Variants in SLC22A13 observed in about 807,000 individuals in gnomAD.
SLC22A13 encodes the protein organic anion transporter 10.
Under a neutral mutation model 49.1 loss-of-function variants are expected in SLC22A13, and 42 were observed. The observed-to-expected ratio is 0.85, with a 90% CI of 0.67 to 1.11. SLC22A13 has a LOEUF of 1.11. SLC22A13 is among the 50% of genes least tolerant of loss of function. The pLI, the probability that SLC22A13 is intolerant of heterozygous loss-of-function variation, is 0.00. For synonymous variants in SLC22A13, 282 were observed against 293.1 expected, an observed-to-expected ratio of 0.96 and a Z score of 0.39; for missense variants, 694 against 712.8, an observed-to-expected ratio of 0.97 and a Z score of 0.30.
chr3:38,274,135 T>C (rs9856724), intron 1 of SLC22A13, 137 bp from the exon 2 acceptor site: 41,974 of 662,968 alleles, frequency 0.063, 2,937 homozygotes, highest in African/African-American at 0.28. Flanking sequence ...GTGAGTTCAC[T>C]ATGGTGCCCT....
In SLC22A13 at chr3:38,277,971, T is replaced by C. The variant is rs1019724426; in HGVS notation, c.*506T>C. The C allele has an allele frequency of 3.9e-5, 6 of 152,968 alleles. No homozygotes were observed. Among genetic ancestry groups the C allele is most frequent in the East Asian group, 1.9e-4 (1 of 5,186 alleles). 9.5% of individuals were successfully genotyped at this position (152,968 alleles called of 1,614,324 possible). On this transcript the variant is annotated 3_prime_UTR_variant, in exon 10 of 10. Transcript: ENST00000311856. The stretch of plus-strand genomic sequence containing the variant: ...GAAGGTTATGATTCCTTCTAGCGGA[T>C]GGACCAGATTCCTCTGGCTAACGTA...
At chr3:38,272,256 C>T (rs1256462212) in intron 1 of SLC22A13, among the ~76,000 whole-genome samples, 2 of 152,256 alleles carry the variant, frequency 1.3e-5, no homozygotes, top group Non-Finnish European at 2.9e-5. Context: ...ACTTCACCCC[C>T]TTGTGTCTGA....
intron 6 of SLC22A13, 51 bp from the exon 7 acceptor site, chr3:38,275,831 G>A: frequency 6.4e-7 from 1 of 1,564,862 alleles, no homozygotes; most frequent in Non-Finnish European, 8.8e-7. Context: ...CTCTCCCTCT[G>A]GGTGGTGTCT....
chr3:38,275,982 CCTGCCCG>C lies in SLC22A13; in HGVS notation c.1127_1133del (p.Ala376ValfsTer6), dbSNP rs1703578359. On this transcript the variant is annotated frameshift_variant, in exon 7 of 10. Transcript: ENST00000311856. LOFTEE classifies it high-confidence loss of function. The stretch of plus-strand genomic sequence containing the variant: ...GCTCATCTTTGGAGCTGTTGAGGTG[CCTGCCCG>C]CTGTTCCAGCATCTTCATGATGCAG... 1 of 1,614,184 alleles carries C rather than the reference CCTGCCCG, an allele frequency of 6.2e-7. No individual in the cohort carries two copies. The highest frequency in any genetic ancestry group is 2.2e-5 in the East Asian group (1 of 44,888).
In SLC22A13 at chr3:38,274,307, C is replaced by T. The variant is rs1304071468; in HGVS notation, c.414C>T (p.Asp138=). Residue 138 remains aspartate (D), a synonymous_variant, in exon 2 of 10, where the codon GAC becomes GAT. Transcript: ENST00000311856. The part of the protein sequence containing the change: ...NLVCDRKHLK[D]TTQSVFMAGL... ...TTTGTGATCGGAAGCACCTGAAGGA[C>T]ACCACACAGTCAGTGTTCATGGCTG... is the stretch of plus-strand genomic sequence containing the variant. The T allele has an allele frequency of 1.9e-6, 3 of 1,614,142 alleles. No homozygotes were observed. The highest frequency in any genetic ancestry group is 2.2e-5 in the East Asian group (1 of 44,864).
At position 38,275,464 on chromosome 3, in the gene SLC22A13, A is replaced by G; in HGVS notation, c.901A>G (p.Lys301Glu). 1 of 1,614,220 alleles carries G rather than the reference A, an allele frequency of 6.2e-7. No homozygotes were observed. The highest frequency in any genetic ancestry group is 8.5e-7 in the Non-Finnish European group (1 of 1,180,048). Residue 301 changes from lysine (K) to glutamate (E), a missense_variant, in exon 5 of 10, where the codon AAA (lysine) becomes GAA (glutamate). By Grantham distance (56) the Lys-to-Glu change is moderately conservative (BLOSUM62 1). Coordinates refer to ENST00000311856, the MANE Select transcript of SLC22A13 (RefSeq NM_004256.4). ...IQKAASVNRR[K>E]LSPELMNQLV... The stretch of plus-strand genomic sequence containing the variant: ...GAAGGCGGCCTCGGTCAATAGGCGG[A>G]AACTCTCCCCGGAGCTCATGAACCA...
rs561954259 is a variant in SLC22A13, at chr3:38,278,487, A to G, written c.*1022A>G. The stretch of plus-strand genomic sequence containing the variant: ...TCCAGCCCCACCCAGCATTGCTCCT[A>G]CAACCTGTCCTACAGCTGGCAGCCC... On this transcript the variant is annotated 3_prime_UTR_variant, in exon 10 of 10. Transcript: ENST00000311856. Among the ~76,000 whole-genome samples, 1 of 152,198 alleles carries G rather than the reference A, an allele frequency of 6.6e-6. No homozygotes were observed. Among genetic ancestry groups the G allele is most frequent in the East Asian group, 1.9e-4 (1 of 5,172 alleles).
At chr3:38,274,448 T>C (rs1464800997) in intron 2 of SLC22A13, 73 bp downstream of exon 2, 2 of 1,453,124 alleles carry the variant, frequency 1.4e-6, no homozygotes, top group Non-Finnish European at 1.9e-6. Flanking sequence ...GTCCCCCTTA[T>C]GCCCCTTACA....
At position 38,277,030 on chromosome 3, in the gene SLC22A13, C is replaced by T; in HGVS notation, c.1465C>T (p.Pro489Ser). 1 of 1,603,060 alleles carries T rather than the reference C, an allele frequency of 6.2e-7. No individual in the cohort carries two copies. Among genetic ancestry groups the T allele is most frequent in the Non-Finnish European group, 8.5e-7 (1 of 1,175,078 alleles). Reference protein sequence around the residue: ...ALPMLIYGSLPIVAGLLCTLL... With the variant: ...ALPMLIYGSLSIVAGLLCTLL... ...CCCCATGCTCATCTACGGCAGCCTC[C>T]CCATCGTGGCCGGCCTGCTGTGCAC... The change falls in exon 9 of 10, where the codon CCC becomes TCC. Residue 489 changes from proline to serine, a missense_variant. Pro to Ser is a moderately conservative substitution (Grantham distance 74, BLOSUM62 -1). Coordinates refer to ENST00000311856, the MANE Select transcript of SLC22A13 (RefSeq NM_004256.4).
In SLC22A13 at chr3:38,275,995, C is replaced by T. The variant is rs1413728056; in HGVS notation, c.1136C>T (p.Ser379Phe). The change falls in exon 7 of 10, where the codon TCC becomes TTC. Residue 379 changes from serine to phenylalanine, a missense_variant. Transcript: ENST00000311856. ...FGAVEVPARC[S>F]SIFMMQRFGR... ...GCTGTTGAGGTGCCTGCCCGCTGTT[C>T]CAGCATCTTCATGATGCAGAGGTTT... 9.3e-6 allele frequency: 15 copies of T among 1,614,194 alleles called. No homozygotes were observed. Among genetic ancestry groups the T allele is most frequent in the Non-Finnish European group, 1.1e-5 (13 of 1,180,020 alleles).
intron 1 of SLC22A13, among the ~76,000 whole-genome samples, chr3:38,266,840 G>A (rs1469365311): frequency 6.6e-6 from 1 of 152,202 alleles, no homozygotes; most frequent in Non-Finnish European, 1.5e-5. Context: ...TAGGAGAGAT[G>A]CAGGCAGAAA....
intron 1 of SLC22A13, among the ~76,000 whole-genome samples, chr3:38,269,708 T>A (rs1703499835): frequency 1.3e-5 from 2 of 152,132 alleles, no homozygotes; most frequent in South Asian, 4.1e-4. Flanking sequence ...CAGCATTCTT[T>A]TTTTATTTTA....
At chr3:38,274,449 G>T in intron 2 of SLC22A13, 74 bp downstream of exon 2, 1 of 1,453,812 alleles carries the variant, frequency 6.9e-7, no homozygotes, top group Non-Finnish European at 9.7e-7. Context: ...TCCCCCTTAT[G>T]CCCCTTACAC....
chr3:38,270,338 G>C (rs1014167594), intron 1 of SLC22A13: 1 of 210,098 alleles, frequency 4.8e-6, no homozygotes, highest in African/African-American at 2.3e-5. Flanking sequence ...CAGCCTTCCA[G>C]TCCGAGGCCA....
chr3:38,271,304 C>T (rs1024292868), intron 1 of SLC22A13, among the ~76,000 whole-genome samples: 1 of 151,986 alleles, frequency 6.6e-6, no homozygotes, highest in African/African-American at 2.4e-5. Flanking sequence ...GTGGCTCGTG[C>T]CTGTAATCCC....
intron 6 of SLC22A13, 42 bp downstream of exon 6, chr3:38,275,714 C>T: frequency 6.3e-7 from 1 of 1,590,352 alleles, no homozygotes. Context: ...AGGGCTGCAG[C>T]CTCCCTGGTG....
rs949017035 is a variant in SLC22A13, at chr3:38,275,739, G to A, written c.1022+67G>A. On this transcript the variant is annotated intron_variant, in intron 6 of 9. Coordinates refer to ENST00000311856, the MANE Select transcript of SLC22A13 (RefSeq NM_004256.4). The stretch of plus-strand genomic sequence containing the variant: ...CCTCCCTGGTGTGTGTTGGCAGAGG[G>A]GTGGGCTGGTGGCTGTTTGGCTGGG... The A allele has an allele frequency of 1.1e-5, 17 of 1,535,620 alleles. No individual in the cohort carries two copies. The South Asian group carries it at 1.5e-4, about 14-fold the overall frequency.
chr3:38,276,386 CCAT>C lies in SLC22A13; in HGVS notation c.1339_1341del (p.Ile447del). The C allele has an allele frequency of 6.2e-7, 1 of 1,608,540 alleles. No individual in the cohort carries two copies. Among genetic ancestry groups the C allele is most frequent in the Non-Finnish European group, 8.5e-7 (1 of 1,176,142 alleles). On this transcript the variant is annotated inframe_deletion, in exon 8 of 10. Coordinates refer to ENST00000311856, the MANE Select transcript of SLC22A13 (RefSeq NM_004256.4). The stretch of plus-strand genomic sequence containing the variant: ...GTGTACTCTGCCGAGCTTTTCCCCA[CCAT>C]CCTCCGGTAAGAGCTGCAGTGTGAC...
intron 7 of SLC22A13, 65 bp from the exon 8 acceptor site, chr3:38,276,221 TG>T: frequency 1.3e-6 from 2 of 1,494,518 alleles, no homozygotes; most frequent in Non-Finnish European, 9.2e-7. Flanking sequence ...ACAGAAGGGG[TG>T]GGGAGTTCCA....
Sources: allele counts gnomAD v4.1 joint callset (sites outside exome capture counted in the v4.1 genomes callset), GRCh38; gene constraint gnomAD v4.1.1; transcripts MANE v1.5; gene names NCBI Gene and HGNC (gene_info 2026-07-23, HGNC 2026-07-21).